ROBO2: variants seen among roughly 807,000 people sequenced by gnomAD.
The protein encoded by ROBO2 is roundabout guidance receptor 2, also known as roundabout homolog 2.
Under a neutral mutation model 160.8 loss-of-function variants are expected in ROBO2, and 53 were observed. The observed-to-expected ratio is 0.33, with a 90% CI of 0.26 to 0.41. ROBO2 has a LOEUF of 0.41. ROBO2 is among the 10% of genes least tolerant of loss of function. The pLI is 1.00. For synonymous variants in ROBO2, 664 were observed against 611.7 expected, an observed-to-expected ratio of 1.09 and a Z score of -1.26; for missense variants, 1,577 against 1,722.4, an observed-to-expected ratio of 0.92 and a Z score of 1.49.
intron 2 of ROBO2, among the ~76,000 whole-genome samples, chr3:77,180,620 G>GA (rs2080683934): frequency 1.3e-5 from 2 of 150,354 alleles, no homozygotes; most frequent in Admixed American, 6.7e-5. Context: ...TTGGTTTAAT[G>GA]AAAAAAAGAC....
intron 2 of ROBO2, among the ~76,000 whole-genome samples, chr3:76,204,786 A>G (rs537939338): frequency 5.6e-4 from 85 of 152,290 alleles, no homozygotes; most frequent in African/African-American, 1.9e-3. Flanking sequence ...GTGCCAGAGA[A>G]TCACATGTGG....
intron 8 of ROBO2, among the ~76,000 whole-genome samples, chr3:77,557,702 G>A (rs2093171461): frequency 6.6e-6 from 1 of 151,890 alleles, no homozygotes; most frequent in Non-Finnish European, 1.5e-5. Flanking sequence ...TATAGGTAAT[G>A]CAGAGGAAGT....
At chr3:77,180,522 A>T (rs1052189319) in intron 2 of ROBO2, among the ~76,000 whole-genome samples, 23 of 141,824 alleles carry the variant, frequency 1.6e-4, no homozygotes, top group African/African-American at 6.1e-4. Flanking sequence ...TGCAACCTTC[A>T]CCTCCTGGGT....
intron 2 of ROBO2, among the ~76,000 whole-genome samples, chr3:76,196,776 C>T (rs1702281755): frequency 6.6e-6 from 1 of 151,990 alleles, no homozygotes; most frequent in South Asian, 2.1e-4. Context: ...GCTCTTTTCC[C>T]AAGGCTCATA....
intron 2 of ROBO2, among the ~76,000 whole-genome samples, chr3:76,667,932 T>C (rs2092115856): frequency 6.6e-6 from 1 of 152,160 alleles, no homozygotes; most frequent in Non-Finnish European, 1.5e-5. Context: ...AAAAAAACTA[T>C]GTAAAATTTT....
chr3:76,713,051 A>G (rs1198921282), intron 2 of ROBO2, among the ~76,000 whole-genome samples: 1 of 152,196 alleles, frequency 6.6e-6, no homozygotes, highest in Non-Finnish European at 1.5e-5. Flanking sequence ...TCAATAAGTT[A>G]ATTGTCTTTT....
chr3:76,220,988 G>A (rs1379594759), intron 2 of ROBO2, among the ~76,000 whole-genome samples: 2 of 152,148 alleles, frequency 1.3e-5, no homozygotes, highest in African/African-American at 4.8e-5. Flanking sequence ...GGTTGTTTTA[G>A]TTTTGCATTG....
At chr3:77,040,131 C>T in exon 1 of ROBO2, 17 of 985,044 alleles carry the variant, frequency 1.7e-5, no homozygotes, top group Non-Finnish European at 2.0e-5. Context: ...CCGAATCGTC[C>T]TGATTTCCCT....
chr3:75,942,367 G>A (rs1948097061), intron 2 of ROBO2, among the ~76,000 whole-genome samples: 2 of 152,074 alleles, frequency 1.3e-5, no homozygotes. Flanking sequence ...CAAGAGACAT[G>A]ACCTTAAAAT....
chr3:76,786,209 T>A (rs2062961528), intron 2 of ROBO2, among the ~76,000 whole-genome samples: 1 of 151,306 alleles, frequency 6.6e-6, no homozygotes, highest in African/African-American at 2.4e-5. Flanking sequence ...ACATAATGAC[T>A]GAGAAATATT....
chr3:77,298,833 G>C (rs148584295), intron 2 of ROBO2, among the ~76,000 whole-genome samples: 1 of 152,130 alleles, frequency 6.6e-6, no homozygotes, highest in African/African-American at 2.4e-5. Flanking sequence ...AATAGACCCT[G>C]CCCTGAAAGT....
chr3:77,264,325 A>G (rs1233217095), intron 2 of ROBO2, among the ~76,000 whole-genome samples: 2 of 152,206 alleles, frequency 1.3e-5, no homozygotes, highest in African/African-American at 4.8e-5. Flanking sequence ...TTATTTTTTT[A>G]ACAACTCCTG....
intron 2 of ROBO2, among the ~76,000 whole-genome samples, chr3:76,983,397 C>T (rs2060202314): frequency 6.6e-6 from 1 of 152,130 alleles, no homozygotes; most frequent in Non-Finnish European, 1.5e-5. Context: ...ATGTTGCTTT[C>T]TTAACAGACA....
intron 2 of ROBO2, among the ~76,000 whole-genome samples, chr3:76,272,797 T>TATATAAAAG (rs1559705494): frequency 2.0e-5 from 1 of 50,166 alleles, no homozygotes; most frequent in African/African-American, 5.7e-5. Context: ...AAAATATATA[T>TATATAAAAG]ATATAAAATA....
Position 77,462,821 on chromosome 3 carries a change from G to T in ROBO2, c.389-14593G>T, listed in dbSNP as rs767907046. On this transcript the variant is annotated intron_variant, in intron 2 of 25. Coordinates refer to ENST00000461745, the Ensembl canonical transcript of ROBO2. ...TTAGTTTCTTGTGTGTTCTTTCAGA[G>T]ATTGTTTTATGTGCATGCAAGCACA... is the stretch of plus-strand genomic sequence containing the variant. 6.1e-4 allele frequency among the ~76,000 whole-genome samples: 92 copies of T among 151,958 alleles called. 3 individuals carry two copies. Among genetic ancestry groups the T allele is most frequent in the Admixed American group, 5.2e-4 (8 of 15,256 alleles).
chr3:77,202,589 G>A (rs1302695639), intron 2 of ROBO2, among the ~76,000 whole-genome samples: 5 of 151,922 alleles, frequency 3.3e-5, no homozygotes, highest in Admixed American at 3.3e-4. Flanking sequence ...TTTTTTCTTA[G>A]CATGAGTAAT....
chr3:76,334,621 T>C (rs2073740537), intron 2 of ROBO2, among the ~76,000 whole-genome samples: 1 of 152,154 alleles, frequency 6.6e-6, no homozygotes, highest in Non-Finnish European at 1.5e-5. Context: ...ACAGGAAGAA[T>C]GTATCAATCC....
intron 2 of ROBO2, among the ~76,000 whole-genome samples, chr3:76,353,356 G>A (rs915952565): frequency 4.6e-5 from 7 of 151,918 alleles, no homozygotes; most frequent in African/African-American, 1.2e-4. Context: ...CTTTAATAAC[G>A]AAGGAGAAAC....
At chr3:77,378,533 G>C (rs977963292) in intron 2 of ROBO2, among the ~76,000 whole-genome samples, 1 of 152,182 alleles carries the variant, frequency 6.6e-6, no homozygotes. Flanking sequence ...GGAAACTCTA[G>C]TTCCAGAAGC....
Sources: allele counts gnomAD v4.1 joint callset (sites outside exome capture counted in the v4.1 genomes callset), GRCh38; gene constraint gnomAD v4.1.1; transcripts MANE v1.5; gene names NCBI Gene and HGNC (gene_info 2026-07-23, HGNC 2026-07-21).